PCDH15: variants seen among roughly 807,000 people sequenced by gnomAD.
PCDH15 encodes protocadherin-15.
Under a neutral mutation model 178.5 loss-of-function variants are expected in PCDH15, and 129 were observed. The ratio of observed to expected loss-of-function variants is 0.72; its 90% CI spans 0.63 to 0.84. The LOEUF is 0.84. Among genes scored for constraint, PCDH15 ranks in the 40% least tolerant of loss-of-function variants. The pLI, the probability that PCDH15 is intolerant of heterozygous loss-of-function variation, is 0.00. For synonymous variants in PCDH15, 800 were observed against 732.0 expected (o/e 1.09, Z -1.50); for missense variants, 2,230 against 2,099.9 (o/e 1.06, Z -1.21).
chr10:54,443,475 C>T (rs956799527), intron 3 of PCDH15, among the ~76,000 whole-genome samples: 10 of 151,004 alleles, frequency 6.6e-5, no homozygotes, highest in African/African-American at 2.2e-4. Context: ...TGTAACTCTA[C>T]ACAAATGTAT....
intron 6 of PCDH15, among the ~76,000 whole-genome samples, chr10:54,346,105 A>G (rs776186856): frequency 5.9e-5 from 9 of 152,262 alleles, no homozygotes; most frequent in Non-Finnish European, 1.2e-4. Context: ...GAGACCACAA[A>G]CATAACAGAA....
At chr10:54,097,567 C>T (rs1268695783) in intron 15 of PCDH15, among the ~76,000 whole-genome samples, 1 of 152,164 alleles carries the variant, frequency 6.6e-6, no homozygotes, top group Non-Finnish European at 1.5e-5. Context: ...ACATAACTCA[C>T]ATATATTTTG....
chr10:54,037,301 C>T (rs1289678931), intron 18 of PCDH15, among the ~76,000 whole-genome samples: 1 of 151,860 alleles, frequency 6.6e-6, no homozygotes, highest in African/African-American at 2.4e-5. Context: ...TCACTAGCTA[C>T]AGAAAAAAAT....
intron 23 of PCDH15, among the ~76,000 whole-genome samples, chr10:53,947,147 ATAT>A (rs1304835686): frequency 6.6e-6 from 1 of 152,174 alleles, no homozygotes; most frequent in African/African-American, 2.4e-5. Flanking sequence ...AACTGAGTAT[ATAT>A]TAACTAATTT....
intron 2 of PCDH15, among the ~76,000 whole-genome samples, chr10:54,924,997 T>A (rs1211580603): frequency 2.6e-5 from 4 of 152,216 alleles, no homozygotes; most frequent in Non-Finnish European, 5.9e-5. Context: ...TCTTTTGGCA[T>A]CTTCATCATG....
At chr10:54,594,122 C>G (rs1008689854) in intron 2 of PCDH15, among the ~76,000 whole-genome samples, 1 of 152,090 alleles carries the variant, frequency 6.6e-6, no homozygotes, top group Non-Finnish European at 1.5e-5. Flanking sequence ...AAATGAGCAA[C>G]TCACTCTCAC....
chr10:54,947,560 C>A (rs1838225180), intron 2 of PCDH15, among the ~76,000 whole-genome samples: 1 of 151,830 alleles, frequency 6.6e-6, no homozygotes, highest in Admixed American at 6.6e-5. Context: ...ATTAAACCAT[C>A]TCCCACAGCT....
Position 55,427,932 on chromosome 10 carries a change from T to C in PCDH15, c.-156+199693A>G, listed in dbSNP as rs1565128502. Among the ~76,000 whole-genome samples the C allele has an allele frequency of 2.0e-5, 3 of 152,108 alleles. 1 individual carries two copies. The highest frequency in any genetic ancestry group is 4.4e-5 in the Non-Finnish European group (3 of 67,964). ...AAAAATGTATAAGGTTATGATCTAT[T>C]TAAAGAAAAACGAGTTATTTGGGCC... On this transcript the variant is annotated intron_variant, in intron 2 of 5. Coordinates refer to the PCDH15 transcript ENST00000613346.
chr10:54,696,819 C>T (rs1481974640), intron 1 of PCDH15, among the ~76,000 whole-genome samples: 1 of 152,044 alleles, frequency 6.6e-6, no homozygotes, highest in African/African-American at 2.4e-5. Context: ...AAACTTTTAA[C>T]AAGTTAAAGT....
intron 1 of PCDH15, among the ~76,000 whole-genome samples, chr10:55,256,730 C>T (rs1200140007): frequency 1.3e-5 from 2 of 152,202 alleles, no homozygotes; most frequent in South Asian, 2.1e-4. Context: ...TGCTGGGAAG[C>T]TCGAACTGGG....
At chr10:55,443,799 A>T (rs1017149531) in intron 2 of PCDH15, among the ~76,000 whole-genome samples, 3 of 152,176 alleles carry the variant, frequency 2.0e-5, no homozygotes, top group African/African-American at 7.2e-5. Flanking sequence ...TACCCAAAGG[A>T]TTATAAATCA....
chr10:54,558,767 A>G (rs1471848578), intron 2 of PCDH15, among the ~76,000 whole-genome samples: 1 of 152,122 alleles, frequency 6.6e-6, no homozygotes, highest in African/African-American at 2.4e-5. Flanking sequence ...TGTGAGAAAT[A>G]TGACTGTATA....
At chr10:54,216,102 C>T (rs895503539) in intron 9 of PCDH15, among the ~76,000 whole-genome samples, 1 of 146,550 alleles carries the variant, frequency 6.8e-6, no homozygotes. Context: ...TGTTCATATC[C>T]CGAATATATA....
At chr10:54,233,825 T>A (rs1443749975) in intron 9 of PCDH15, among the ~76,000 whole-genome samples, 1 of 152,202 alleles carries the variant, frequency 6.6e-6, no homozygotes, top group East Asian at 1.9e-4. Flanking sequence ...ATGAACATCA[T>A]TATCTAGCTT....
At chr10:54,166,398 G>C (rs932674796) in intron 13 of PCDH15, among the ~76,000 whole-genome samples, 1 of 152,178 alleles carries the variant, frequency 6.6e-6, no homozygotes, top group Non-Finnish European at 1.5e-5. Flanking sequence ...ACTTAGTTTA[G>C]TACGAATCAC....
chr10:54,518,229 A>C (rs1005732942), intron 3 of PCDH15, among the ~76,000 whole-genome samples: 8 of 151,840 alleles, frequency 5.3e-5, no homozygotes, highest in Non-Finnish European at 7.3e-5. Flanking sequence ...AACTGAAGGA[A>C]ATAGAGACAC....
At chr10:54,289,846 A>T (rs2059279374) in intron 8 of PCDH15, among the ~76,000 whole-genome samples, 1 of 152,202 alleles carries the variant, frequency 6.6e-6, no homozygotes, top group Admixed American at 6.5e-5. Context: ...AAGGTTAGAG[A>T]AAAAGGAGTA....
At chr10:54,876,352 A>G (rs1169792198) in intron 3 of PCDH15, among the ~76,000 whole-genome samples, 1 of 152,176 alleles carries the variant, frequency 6.6e-6, no homozygotes, top group Non-Finnish European at 1.5e-5. Context: ...TGCCAATGCA[A>G]TATCCATTCT....
At chr10:53,990,795 G>T (rs200976669) in intron 21 of PCDH15, among the ~76,000 whole-genome samples, 2 of 151,998 alleles carry the variant, frequency 1.3e-5, no homozygotes, top group South Asian at 2.1e-4. Context: ...CCCCCTGCTT[G>T]CAGGGAGGTG....
Sources: gnomAD v4.1 joint callset for allele counts (sites outside exome capture counted in the v4.1 genomes callset) on GRCh38, gnomAD v4.1.1 for gene constraint, MANE v1.5 for transcripts, NCBI Gene and HGNC (gene_info 2026-07-23, HGNC 2026-07-21) for gene names.